The following NKAIN4 variants were observed in gnomAD, a reference collection of about 807,000 sequenced individuals.
NKAIN4 encodes sodium/potassium transporting ATPase interacting 4, also known as sodium/potassium-transporting ATPase subunit beta-1-interacting protein 4.
Under a neutral mutation model 28.8 loss-of-function variants are expected in NKAIN4, and 28 were observed. The ratio of observed to expected loss-of-function variants is 0.97; its 90% CI spans 0.72 to 1.33. The LOEUF (loss-of-function observed/expected upper bound fraction) is 1.33, where lower values mean the gene tolerates loss of function less well. Ranked by LOEUF, NKAIN4 falls within the 40% of genes most tolerant of loss-of-function variation. The pLI, the probability that NKAIN4 is intolerant of heterozygous loss-of-function variation, is 0.00. For synonymous variants in NKAIN4, 122 were observed against 115.6 expected, an observed-to-expected ratio of 1.06 and a Z score of -0.36; for missense variants, 289 against 277.2, an observed-to-expected ratio of 1.04 and a Z score of -0.30.
At position 63,241,439 on chromosome 20, in the gene NKAIN4, G is replaced by T. The variant is rs1263280715; in HGVS notation, c.*58C>A. 3.9e-6 allele frequency: 6 copies of T among 1,546,522 alleles called. No individual in the cohort carries two copies. The highest frequency in any genetic ancestry group is 5.2e-6 in the Non-Finnish European group (6 of 1,143,634). Reference sequence around the variant, plus strand: ...CCAAGGCCTGGGAGCTCCTGTCATTGTCACTGGTCGGTCGCTGAGGCTGGA... The same window carrying T: ...CCAAGGCCTGGGAGCTCCTGTCATTTTCACTGGTCGGTCGCTGAGGCTGGA... On this transcript the variant is annotated 3_prime_UTR_variant, in exon 7 of 7. Transcript: ENST00000370316.
At chr20:63,253,028 G>T (rs1173370112) in intron 1 of NKAIN4, among the ~76,000 whole-genome samples, 1 of 152,096 alleles carries the variant, frequency 6.6e-6, no homozygotes, top group Non-Finnish European at 1.5e-5. Context: ...ACTTCCTGAC[G>T]CTCATGCATC....
chr20:63,244,760 T>G (rs1024599391), intron 4 of NKAIN4, among the ~76,000 whole-genome samples: 5 of 152,178 alleles, frequency 3.3e-5, no homozygotes, highest in Middle Eastern at 3.4e-3. Context: ...GAAAAAGGGC[T>G]CTGGCAAAGG....
At chr20:63,246,775 G>A (rs949469332) in intron 4 of NKAIN4, 2 of 985,328 alleles carry the variant, frequency 2.0e-6, no homozygotes, top group Non-Finnish European at 2.4e-6. Context: ...CGCTGACCGA[G>A]CACCCTCCAC....
Position 63,244,288 on chromosome 20 carries a change from C to A in NKAIN4, c.472-204G>T, listed in dbSNP as rs1332922546. Among the ~76,000 whole-genome samples, 6 of 152,324 alleles carry A rather than the reference C, an allele frequency of 3.9e-5. No homozygotes were observed. In the East Asian group the frequency reaches 1.2e-3, roughly 29 times the overall value. ...TCTCAAGCTCCGGACGCACCCCTGC[C>A]TTCCACCCCACCCCACTCAACTGGG... On this transcript the variant is annotated intron_variant, in intron 4 of 6. Transcript: ENST00000370316.
intron 4 of NKAIN4, chr20:63,246,955 T>C: frequency 3.0e-6 from 3 of 987,648 alleles, no homozygotes; most frequent in Non-Finnish European, 3.6e-6. Context: ...GTAGCCCCTG[T>C]TCTCTACCAA....
intron 5 of NKAIN4, among the ~76,000 whole-genome samples, chr20:63,243,281 T>G (rs995152312): frequency 1.3e-5 from 2 of 152,050 alleles, no homozygotes; most frequent in African/African-American, 4.8e-5. Context: ...AGGGCATTCC[T>G]CGCCTCTGGA....
chr20:63,250,837 C>T (rs989786548), intron 1 of NKAIN4, among the ~76,000 whole-genome samples: 3 of 152,134 alleles, frequency 2.0e-5, no homozygotes, highest in East Asian at 1.9e-4. Context: ...CTCCTTCCCA[C>T]GTGCTGGTGA....
chr20:63,253,578 G>T, intron 1 of NKAIN4: 1 of 922,208 alleles, frequency 1.1e-6, no homozygotes, highest in Non-Finnish European at 1.3e-6. Flanking sequence ...GAGACCCAGG[G>T]CCAATTAGCA....
rs1490905178 is a variant in NKAIN4, at chr20:63,245,462, G to A, written c.472-1378C>T. ...GTGCCCTCCTGCCTGGGGACCTGCA[G>A]GCCACCTCTGTCCCACACCCCCATG... On this transcript the variant is annotated intron_variant, in intron 4 of 6. Transcript: ENST00000370316. The surrounding 1 kb of genome is among the most constrained non-coding windows in gnomAD (Gnocchi z 4.7). Among the ~76,000 whole-genome samples, 1 of 152,024 alleles carries A rather than the reference G, an allele frequency of 6.6e-6. No homozygotes were observed. Among genetic ancestry groups the A allele is most frequent in the Non-Finnish European group, 1.5e-5 (1 of 68,002 alleles).
chr20:63,254,079 G>T, intron 1 of NKAIN4: 1 of 378,294 alleles, frequency 2.6e-6, no homozygotes, highest in Non-Finnish European at 5.0e-6. Flanking sequence ...AGGCGATGGG[G>T]TCCAGGCGGC....
chr20:63,245,694 G>T lies in NKAIN4; in HGVS notation c.472-1610C>A, dbSNP rs867723314. Among the ~76,000 whole-genome samples, 1 of 152,034 alleles carries T rather than the reference G, an allele frequency of 6.6e-6. No homozygotes were observed. The highest frequency in any genetic ancestry group is 1.5e-5 in the Non-Finnish European group (1 of 68,010). On this transcript the variant is annotated intron_variant, in intron 4 of 6. Transcript: ENST00000370316. This position sits in a 1 kb window ranked among gnomAD's most constrained non-coding sequence, Gnocchi z 4.7. ...CAGCTGGGCAGAGGCCAACCAAGCC[G>T]CCAGCCTCTCCCAGACCCTCCAAAG...
Position 63,241,380 on chromosome 20 carries a change from C to A in NKAIN4, c.*117G>T. ...ACTTAGAACCCAGGGCAGGTGCTGC[C>A]GGCCGCCTGGGGGGTGCTGGGTGGG... is the stretch of plus-strand genomic sequence containing the variant. On this transcript the variant is annotated 3_prime_UTR_variant, in exon 7 of 7. Coordinates refer to ENST00000370316, the MANE Select transcript of NKAIN4 (RefSeq NM_152864.4). The A allele has an allele frequency of 8.9e-7, 1 of 1,122,230 alleles. No homozygotes were observed. 69.5% of individuals were successfully genotyped at this position (1,122,230 alleles called of 1,614,324 possible). A position where few individuals can be genotyped will look rare whatever the true frequency, so the allele number is the denominator to read the frequency against.
At chr20:63,246,217 C>A (rs1449243767) in intron 4 of NKAIN4, among the ~76,000 whole-genome samples, 1 of 152,180 alleles carries the variant, frequency 6.6e-6, no homozygotes, top group South Asian at 2.1e-4. Context: ...TGTGAGCCAC[C>A]GCACCCAGCC....
upstream of NKAIN4, chr20:63,254,817 C>T (rs972742081): frequency 1.4e-4 from 27 of 196,282 alleles, no homozygotes; most frequent in African/African-American, 6.2e-4. Context: ...TGCAGGATGA[C>T]CTGCCCAGCA....
chr20:63,247,553 C>G, intron 4 of NKAIN4, 25 bp downstream of exon 4: 1 of 1,546,388 alleles, frequency 6.5e-7, no homozygotes, highest in African/African-American at 1.4e-5. Flanking sequence ...CATCCCCACC[C>G]GGGGGCCCCC....
At chr20:63,249,148 G>A (rs1445205841) in intron 2 of NKAIN4, 5 of 507,664 alleles carry the variant, frequency 9.8e-6, no homozygotes, top group Admixed American at 6.4e-5. Flanking sequence ...GAGCCCCAGC[G>A]CAGGTCGGCG....
chr20:63,242,896 A>C, intron 5 of NKAIN4, among the ~76,000 whole-genome samples: 1 of 133,814 alleles, frequency 7.5e-6, no homozygotes, highest in Non-Finnish European at 1.6e-5. Flanking sequence ...GCCTGGGGGG[A>C]CGGCAGGGGT....
intron 6 of NKAIN4, 25 bp from the exon 7 acceptor site, chr20:63,241,531 C>A (rs201870337): frequency 6.5e-7 from 1 of 1,549,222 alleles, no homozygotes; most frequent in East Asian, 2.4e-5. Context: ...TCAGAGAGCA[C>A]CTGGGGGAAC....
chr20:63,247,861 C>G, intron 3 of NKAIN4, 86 bp from the exon 4 acceptor site: 1 of 1,397,940 alleles, frequency 7.2e-7, no homozygotes, highest in Non-Finnish European at 9.3e-7. Context: ...CGCCACCACA[C>G]CGAGGCAAGG....
Sources: gnomAD v4.1 joint callset for allele counts (sites outside exome capture counted in the v4.1 genomes callset) on GRCh38, gnomAD v4.1.1 for gene constraint, Gnocchi (gnomAD v3.1) non-coding constraint, MANE v1.5 for transcripts, NCBI Gene and HGNC (gene_info 2026-07-23, HGNC 2026-07-21) for gene names.